The following RBPJ variants were observed in gnomAD, a reference collection of about 807,000 sequenced individuals.
RBPJ encodes recombination signal binding protein for immunoglobulin kappa J region, also known as recombining binding protein suppressor of hairless.
A neutral mutation model predicts 67.8 loss-of-function variants in RBPJ; 9 were observed. That is an observed-to-expected ratio of 0.13 (90% CI 0.08 to 0.23). The LOEUF (loss-of-function observed/expected upper bound fraction) is 0.23. Ranked by LOEUF, RBPJ falls within the 10% of genes least tolerant of loss-of-function variation. RBPJ has a pLI of 1.00. For missense variants in RBPJ, 305 were observed against 595.6 expected (o/e 0.51, Z 5.08); for synonymous variants, 198 against 203.3 (o/e 0.97, Z 0.22).
At chr4:26,110,232 G>A in the RBPJ span, among the ~76,000 whole-genome samples, 7 of 152,172 alleles carry the variant, frequency 4.6e-5, no homozygotes, top group African/African-American at 7.2e-5. The surrounding 1 kb of genome is among the most constrained non-coding windows in gnomAD (Gnocchi z 4.5). Context: ...TACCCCATTC[G>A]TTAGTTTCTG....
intron 1 of RBPJ, among the ~76,000 whole-genome samples, chr4:26,184,193 A>AAAAAG (rs71184290): frequency 4.0e-5 from 4 of 99,306 alleles, no homozygotes; most frequent in East Asian, 2.3e-4. Flanking sequence ...AAAAAAAAAA[A>AAAAAG]AAAGAAAGAA....
At chr4:26,339,328 G>A (rs1291661705) in intron 1 of RBPJ, among the ~76,000 whole-genome samples, 1 of 151,916 alleles carries the variant, frequency 6.6e-6, no homozygotes, top group Admixed American at 6.6e-5. Context: ...ATTCAAACCC[G>A]TATCTCCAGA....
chr4:26,293,719 C>A (rs1721753729), intron 1 of RBPJ, among the ~76,000 whole-genome samples: 1 of 137,708 alleles, frequency 7.3e-6, no homozygotes, highest in African/African-American at 2.7e-5. Context: ...CAAAACAATT[C>A]AGGAATGACA....
At chr4:26,191,317 T>G (rs746808055) in intron 1 of RBPJ, among the ~76,000 whole-genome samples, 1 of 149,118 alleles carries the variant, frequency 6.7e-6, no homozygotes, top group South Asian at 2.1e-4. Context: ...TTTGATTTTT[T>G]TATATATATA....
chr4:26,302,072 C>T (rs1241927371), intron 1 of RBPJ, among the ~76,000 whole-genome samples: 3 of 152,142 alleles, frequency 2.0e-5, no homozygotes, highest in Admixed American at 2.0e-4. Flanking sequence ...AGATTACAGG[C>T]ATGAGAAATG....
At chr4:26,297,275 C>T (rs1021653779) in intron 1 of RBPJ, among the ~76,000 whole-genome samples, 1 of 151,668 alleles carries the variant, frequency 6.6e-6, no homozygotes, top group Non-Finnish European at 1.5e-5. Context: ...AGCACTCTAG[C>T]CGGGGTGACA....
rs1560212157 is a variant in RBPJ at position 26,210,742 on chromosome 4, T to TA, written c.-167+47128_-167+47129insA. 1.1e-3 allele frequency among the ~76,000 whole-genome samples: 116 copies of TA among 105,922 alleles called. 3 individuals carry two copies. The East Asian group carries it at 0.016, about 15-fold the overall frequency. The allele number at this position is 105,922 out of a possible 152,430, so 69.5% of individuals were successfully genotyped here. On this transcript the variant is annotated intron_variant, in intron 1 of 4. Transcript: ENST00000512351. ...TTCTTTCTTTCCTTCTTTACTTCTT[T>TA]CCTTCTTTCCTTCTTTCTTTCTTTC...
At chr4:26,422,947 T>C (rs1436202596) in intron 5 of RBPJ, among the ~76,000 whole-genome samples, 1 of 152,232 alleles carries the variant, frequency 6.6e-6, no homozygotes, top group Non-Finnish European at 1.5e-5. Context: ...TAGTACAGTT[T>C]ATATTGTGAT....
At chr4:26,259,690 T>C (rs1385219668) in intron 1 of RBPJ, among the ~76,000 whole-genome samples, 1 of 152,226 alleles carries the variant, frequency 6.6e-6, no homozygotes, top group Non-Finnish European at 1.5e-5. Flanking sequence ...ATTGTGTAAG[T>C]TGAACCAGTT....
chr4:26,421,807 A>G (rs533771279), intron 5 of RBPJ, among the ~76,000 whole-genome samples: 19 of 152,272 alleles, frequency 1.2e-4, no homozygotes, highest in Admixed American at 2.0e-4. Flanking sequence ...AAACATCATT[A>G]TACGTAACAG....
the RBPJ span, among the ~76,000 whole-genome samples, chr4:26,131,874 C>G: frequency 6.6e-6 from 1 of 152,222 alleles, no homozygotes; most frequent in African/African-American, 2.4e-5. Flanking sequence ...GATCCCACCT[C>G]TCCCCTCACC....
chr4:26,123,816 C>T, the RBPJ span, among the ~76,000 whole-genome samples: 4 of 152,118 alleles, frequency 2.6e-5, no homozygotes, highest in African/African-American at 9.7e-5. Flanking sequence ...CTTCACCCTC[C>T]ACATCTTGTT....
intron 2 of RBPJ, among the ~76,000 whole-genome samples, 161 bp downstream of exon 2, chr4:26,386,552 G>A (rs901261025): frequency 2.0e-5 from 3 of 151,744 alleles, no homozygotes; most frequent in Non-Finnish European, 4.4e-5. Flanking sequence ...CTCTCCTCCC[G>A]TCCCTCACCA....
intron 2 of RBPJ, among the ~76,000 whole-genome samples, chr4:26,404,282 C>T (rs1733166041): frequency 6.6e-6 from 1 of 151,936 alleles, no homozygotes; most frequent in South Asian, 2.1e-4. Flanking sequence ...GGATAGTAGA[C>T]CTTTATCAGA....
At chr4:26,145,996 G>GT in the RBPJ span, among the ~76,000 whole-genome samples, 1 of 152,122 alleles carries the variant, frequency 6.6e-6, no homozygotes. Flanking sequence ...GAGTGCAATC[G>GT]TATGATCATA....
intron 3 of RBPJ, among the ~76,000 whole-genome samples, chr4:26,413,438 ATC>A (rs1453524505): frequency 2.6e-5 from 4 of 152,038 alleles, no homozygotes; most frequent in African/African-American, 9.7e-5. Flanking sequence ...TGTTTTTATT[ATC>A]TCTCTCCTAT....
At position 26,369,865 on chromosome 4, in the gene RBPJ, A is replaced by G. The variant is rs550570432; in HGVS notation, c.21-16488A>G. 2.6e-5 allele frequency among the ~76,000 whole-genome samples: 4 copies of G among 151,712 alleles called. No individual in the cohort carries two copies. The East Asian group carries it at 5.8e-4, about 22-fold the overall frequency. ...CTTTCCTCCCTCTCTCTTCCAACCT[A>G]CCAGCCCCTTTCTCTCTCTTCTCCT... On this transcript the variant is annotated intron_variant, in intron 1 of 10. Transcript: ENST00000355476.
intron 1 of RBPJ, among the ~76,000 whole-genome samples, chr4:26,267,662 C>T (rs1391403530): frequency 6.6e-6 from 1 of 151,906 alleles, no homozygotes; most frequent in Non-Finnish European, 1.5e-5. Flanking sequence ...GGCTGGAGTA[C>T]AGTGGCACGA....
chr4:26,248,628 T>TA (rs1560228438), intron 1 of RBPJ, among the ~76,000 whole-genome samples: 1 of 152,214 alleles, frequency 6.6e-6, no homozygotes, highest in African/African-American at 2.4e-5. Context: ...TAATTATAGT[T>TA]AGACTATATA....
Sources: gnomAD v4.1 joint callset for allele counts (sites outside exome capture counted in the v4.1 genomes callset) on GRCh38, gnomAD v4.1.1 for gene constraint, Gnocchi (gnomAD v3.1) non-coding constraint, MANE v1.5 for transcripts, NCBI Gene and HGNC (gene_info 2026-07-23, HGNC 2026-07-21) for gene names.